The following SNRPN variants were observed in gnomAD, a reference collection of about 807,000 sequenced individuals.
The protein encoded by SNRPN is small nuclear ribonucleoprotein polypeptide N, also known as small nuclear ribonucleoprotein-associated protein N.
In SNRPN, 7 loss-of-function variants were observed where a neutral mutation model predicts 25.2. That is an observed-to-expected ratio of 0.28 (90% CI 0.16 to 0.52). The LOEUF is 0.52. Ranked by LOEUF, SNRPN falls within the 20% of genes least tolerant of loss-of-function variation. The pLI is 0.96. For missense variants in SNRPN, 196 were observed against 322.5 expected, an observed-to-expected ratio of 0.61 and a Z score of 3.00; for synonymous variants, 124 against 110.6, an observed-to-expected ratio of 1.12 and a Z score of -0.76.
At chr15:24,916,387 A>T (rs942850508) in intron 2 of SNRPN, among the ~76,000 whole-genome samples, 1 of 152,108 alleles carries the variant, frequency 6.6e-6, no homozygotes, top group Admixed American at 6.6e-5. Context: ...AGAGTGAGAG[A>T]TGGAGAGAGA....
chr15:24,907,453 C>T (rs2058885591), intron 2 of SNRPN, among the ~76,000 whole-genome samples: 1 of 152,102 alleles, frequency 6.6e-6, no homozygotes, highest in East Asian at 2.0e-4. Context: ...GAAAAATTAG[C>T]CAGGCGTGGT....
intron 2 of SNRPN, among the ~76,000 whole-genome samples, chr15:24,911,608 T>A (rs1420104702): frequency 6.6e-6 from 1 of 152,140 alleles, no homozygotes; most frequent in Non-Finnish European, 1.5e-5. Context: ...TAGTAAAACA[T>A]GGGGCAGCAT....
Position 24,955,778 on chromosome 15 carries a change from G to A in SNRPN, c.-391+716G>A, listed in dbSNP as rs529019153. ...CGACAGTGGGTATTGGCGGCGGTGGGCATTGGCAGCGGGTAGGCATGGCGG... is the reference window on the plus strand; with the variant it reads ...CGACAGTGGGTATTGGCGGCGGTGGACATTGGCAGCGGGTAGGCATGGCGG... On this transcript the variant is annotated intron_variant, in intron 1 of 9. Coordinates refer to ENST00000390687, the MANE Select transcript of SNRPN (RefSeq NM_003097.6). Among the ~76,000 whole-genome samples, 126 of 151,790 alleles carry A rather than the reference G, an allele frequency of 8.3e-4. 1 individual carries two copies. The highest frequency in any genetic ancestry group is 2.8e-3 in the African/African-American group (117 of 41,360).
chr15:24,909,554 A>G, intron 2 of SNRPN: 1 of 1,425,286 alleles, frequency 7.0e-7, no homozygotes, highest in Non-Finnish European at 9.8e-7. Context: ...TGTCGGGCCA[A>G]CCTTCACACC....
intron 2 of SNRPN, among the ~76,000 whole-genome samples, chr15:24,915,816 G>C (rs1031479864): frequency 3.9e-5 from 6 of 151,996 alleles, no homozygotes; most frequent in African/African-American, 1.4e-4. Flanking sequence ...AAATTTTAAG[G>C]GGTGGCAGGG....
At chr15:24,891,683 C>A (rs1297095200) in intron 2 of SNRPN, among the ~76,000 whole-genome samples, 1 of 152,108 alleles carries the variant, frequency 6.6e-6, no homozygotes, top group Non-Finnish European at 1.5e-5. Flanking sequence ...GGTTATCCAC[C>A]CTCCTCGGCC....
At chr15:24,861,697 T>C (rs2053998923) in intron 1 of SNRPN, among the ~76,000 whole-genome samples, 1 of 152,238 alleles carries the variant, frequency 6.6e-6, no homozygotes. Context: ...CCCTCCTATA[T>C]GTTGTCTTTC....
In SNRPN at chr15:24,893,718, T is replaced by G. The variant is rs548505631; in HGVS notation, c.-505+7129T>G. Among the ~76,000 whole-genome samples the G allele has an allele frequency of 1.0e-3, 153 of 152,286 alleles. 1 individual carries two copies. The highest frequency in any genetic ancestry group is 1.9e-3 in the Non-Finnish European group (132 of 68,032). On this transcript the variant is annotated intron_variant, in intron 2 of 11. Transcript: ENST00000400097. ...TCCCATTAAAAAAAAATGTACCCGTTACAAGTGACTTGGAACCAAAATCCA... is the reference window on the plus strand; with the variant it reads ...TCCCATTAAAAAAAAATGTACCCGTGACAAGTGACTTGGAACCAAAATCCA...
At position 24,975,417 on chromosome 15, in the gene SNRPN, G is replaced by A; in HGVS notation, c.63G>A (p.Leu21=). 6.2e-7 allele frequency: 1 copy of A among 1,613,268 alleles called. No homozygotes were observed. The highest frequency in any genetic ancestry group is 1.7e-4 in the Middle Eastern group (1 of 6,058). The part of the protein sequence containing the change: ...QHIDYRMRCI[L]QDGRIFIGTF... ...TTGACTATAGAATGAGATGTATCCT[G>A]CAAGATGGCCGAATCTTCATTGGCA... The change falls in exon 5 of 10, where the codon CTG becomes CTA. Residue 21 remains leucine (L), a synonymous_variant. Transcript: ENST00000390687.
At chr15:24,924,010 T>C (rs1029142238) in intron 3 of SNRPN, among the ~76,000 whole-genome samples, 5 of 143,138 alleles carry the variant, frequency 3.5e-5, no homozygotes, top group Non-Finnish European at 1.5e-5. Flanking sequence ...TTAGTAGAAA[T>C]GAGGTTTCAG....
chr15:24,934,632 C>G (rs1443480494), intron 3 of SNRPN, among the ~76,000 whole-genome samples: 1 of 152,214 alleles, frequency 6.6e-6, no homozygotes, highest in African/African-American at 2.4e-5. Flanking sequence ...CATCTCAGCT[C>G]ACTGCAACCT....
At chr15:24,867,666 G>A (rs186306381) in intron 1 of SNRPN, among the ~76,000 whole-genome samples, 43 of 148,836 alleles carry the variant, frequency 2.9e-4, no homozygotes, top group African/African-American at 9.3e-4. Context: ...GAGCCACTGC[G>A]CCCGGCCTTA....
intron 1 of SNRPN, among the ~76,000 whole-genome samples, chr15:24,867,062 T>C (rs1256481553): frequency 6.6e-6 from 1 of 152,184 alleles, no homozygotes; most frequent in African/African-American, 2.4e-5. Context: ...TTCTGCCTCA[T>C]AGTGGTTTGA....
chr15:24,958,520 T>TTA (rs1440476628), intron 1 of SNRPN, among the ~76,000 whole-genome samples: 8 of 120,734 alleles, frequency 6.6e-5, no homozygotes, highest in African/African-American at 2.7e-4. Flanking sequence ...TTTTTTTTTT[T>TTA]AAATAGACCA....
chr15:24,933,015 G>C (rs529643332), intron 3 of SNRPN, among the ~76,000 whole-genome samples: 1 of 152,024 alleles, frequency 6.6e-6, no homozygotes, highest in African/African-American at 2.4e-5. Flanking sequence ...TAATCCCAGC[G>C]CTTTGGGAGG....
intron 2 of SNRPN, among the ~76,000 whole-genome samples, chr15:24,902,427 G>A (rs996205347): frequency 4.6e-5 from 7 of 152,148 alleles, no homozygotes; most frequent in African/African-American, 1.7e-4. Context: ...AGAAAAAATG[G>A]ATTTTTGTTC....
chr15:24,904,470 C>T (rs2058671158), intron 2 of SNRPN, among the ~76,000 whole-genome samples: 1 of 152,192 alleles, frequency 6.6e-6, no homozygotes, highest in East Asian at 1.9e-4. Flanking sequence ...GCCTGGCCAA[C>T]ATGGTGAAAC....
chr15:24,911,154 A>G, intron 2 of SNRPN: 1 of 598,904 alleles, frequency 1.7e-6, no homozygotes, highest in Non-Finnish European at 2.6e-6. Flanking sequence ...TCAGTGCTGG[A>G]AAGGGCCAAA....
intron 3 of SNRPN, among the ~76,000 whole-genome samples, chr15:24,941,257 G>A (rs140300543): frequency 9.9e-5 from 15 of 152,252 alleles, no homozygotes; most frequent in African/African-American, 3.1e-4. Flanking sequence ...GATTATAGGC[G>A]TGAGCCACTG....
Sources: gnomAD v4.1 joint callset for allele counts (sites outside exome capture counted in the v4.1 genomes callset) on GRCh38, gnomAD v4.1.1 for gene constraint, MANE v1.5 for transcripts, NCBI Gene and HGNC (gene_info 2026-07-23, HGNC 2026-07-21) for gene names.